The following ITGA9 variants were observed in gnomAD, a reference collection of about 807,000 sequenced individuals.
The protein encoded by ITGA9 is integrin alpha-9.
A neutral mutation model predicts 127.8 loss-of-function variants in ITGA9; 56 were observed. The ratio of observed to expected loss-of-function variants is 0.44; its 90% CI spans 0.35 to 0.55. ITGA9 has a LOEUF of 0.55. Ranked by LOEUF, ITGA9 falls within the 20% of genes least tolerant of loss-of-function variation. The pLI is 0.00. For missense variants in ITGA9, 1,196 were observed against 1,347.1 expected (o/e 0.89, Z 1.76); for synonymous variants, 508 against 514.5 (o/e 0.99, Z 0.17).
intron 21 of ITGA9, among the ~76,000 whole-genome samples, chr3:37,742,863 T>C (rs566975808): frequency 6.6e-5 from 10 of 152,314 alleles, no homozygotes; most frequent in Admixed American, 1.3e-4. Flanking sequence ...TGGAATATAT[T>C]TGCAAATTAG....
chr3:37,624,733 A>G (rs1476657260), intron 15 of ITGA9, among the ~76,000 whole-genome samples: 2 of 152,118 alleles, frequency 1.3e-5, no homozygotes, highest in East Asian at 3.9e-4. Context: ...CAGCCTCCTG[A>G]GTAGCTGGGA....
At chr3:37,462,835 GC>G (rs1445562864) in intron 1 of ITGA9, among the ~76,000 whole-genome samples, 1 of 152,204 alleles carries the variant, frequency 6.6e-6, no homozygotes, top group African/African-American at 2.4e-5. Context: ...TTCCTTTTGT[GC>G]CTCATCACTG....
At chr3:37,519,226 G>T in intron 10 of ITGA9, 34 bp from the exon 11 acceptor site, 1 of 1,536,868 alleles carries the variant, frequency 6.5e-7, no homozygotes, top group Non-Finnish European at 9.0e-7. Context: ...TATTAATGTG[G>T]CTTTTTAACC....
intron 18 of ITGA9, among the ~76,000 whole-genome samples, chr3:37,716,229 G>A (rs913295159): frequency 2.0e-5 from 3 of 152,138 alleles, no homozygotes; most frequent in Non-Finnish European, 4.4e-5. Context: ...GTGGCATCTG[G>A]GGGGTCAATG....
chr3:37,459,617 G>A (rs902594687), intron 1 of ITGA9, among the ~76,000 whole-genome samples: 12 of 152,206 alleles, frequency 7.9e-5, no homozygotes, highest in African/African-American at 2.9e-4. Context: ...GTAGCAGCTG[G>A]CTATCATTTT....
intron 17 of ITGA9, among the ~76,000 whole-genome samples, chr3:37,659,004 C>T (rs1487783914): frequency 6.6e-6 from 1 of 152,142 alleles, no homozygotes; most frequent in African/African-American, 2.4e-5. Flanking sequence ...GAATATTGGC[C>T]CCCACTCTCT....
chr3:37,526,167 T>G, intron 13 of ITGA9, 96 bp downstream of exon 13: 2 of 1,079,564 alleles, frequency 1.9e-6, no homozygotes, highest in East Asian at 4.7e-5. Flanking sequence ...TCCTGTTCCT[T>G]GTAGGCTGGA....
At chr3:37,612,186 C>T (rs140847061) in intron 15 of ITGA9, among the ~76,000 whole-genome samples, 450 of 152,276 alleles carry the variant, frequency 3.0e-3, no homozygotes, top group Non-Finnish European at 5.1e-3. Context: ...ACTAGTAAGA[C>T]AAAAGTTCTT....
intron 15 of ITGA9, among the ~76,000 whole-genome samples, chr3:37,606,334 G>A (rs76879034): frequency 0.045 from 6,795 of 152,274 alleles, 224 homozygotes; most frequent in Non-Finnish European, 0.069. Flanking sequence ...CTGCAATGGT[G>A]GAAACGTTCT....
At chr3:37,585,406 T>A (rs139326070) in intron 15 of ITGA9, among the ~76,000 whole-genome samples, 1 of 152,300 alleles carries the variant, frequency 6.6e-6, no homozygotes, top group Non-Finnish European at 1.5e-5. Context: ...TCCCTCCCTC[T>A]TTCCCCATAA....
At chr3:37,748,495 C>G (rs1265603154) in intron 22 of ITGA9, 2 of 532,372 alleles carry the variant, frequency 3.8e-6, no homozygotes, top group Non-Finnish European at 7.0e-6. Context: ...CGCCTGTAAT[C>G]CTAACACTTT....
At chr3:37,722,262 C>T (rs982812826) in intron 18 of ITGA9, among the ~76,000 whole-genome samples, 25 of 152,320 alleles carry the variant, frequency 1.6e-4, no homozygotes, top group Admixed American at 1.6e-3. Flanking sequence ...TGTTTGCCTC[C>T]TTCAGAATGC....
intron 23 of ITGA9, among the ~76,000 whole-genome samples, chr3:37,759,451 A>G (rs974600821): frequency 1.1e-4 from 16 of 152,234 alleles, no homozygotes; most frequent in African/African-American, 3.9e-4. Flanking sequence ...TGTTTAAAGA[A>G]CTAAAATCAG....
chr3:37,547,083 C>T (rs185570), intron 15 of ITGA9, among the ~76,000 whole-genome samples: 71,795 of 151,948 alleles, frequency 0.47, 17,498 homozygotes, highest in East Asian at 0.73. Context: ...TCATTCCCTA[C>T]TGTGAGGATC....
At chr3:37,470,928 G>A (rs1698423845) in intron 1 of ITGA9, 79 bp from the exon 2 acceptor site, 3 of 1,450,004 alleles carry the variant, frequency 2.1e-6, no homozygotes, top group Non-Finnish European at 2.9e-6. Flanking sequence ...GCCCACCCGT[G>A]GTTGGGTGAA....
chr3:37,455,574 A>G (rs56835590), intron 1 of ITGA9, among the ~76,000 whole-genome samples: 2,645 of 152,312 alleles, frequency 0.017, 85 homozygotes, highest in African/African-American at 0.06. Flanking sequence ...AGGAAGGTAA[A>G]ATATAGACAT....
chr3:37,471,193 C>T lies in ITGA9; in HGVS notation c.313+59C>T. 3.1e-6 allele frequency: 5 copies of T among 1,595,690 alleles called. No homozygotes were observed. The Admixed American group carries it at 6.7e-5, about 21-fold the overall frequency. ...TTCTGTACCCTTATACCTTGCTCTT[C>T]TTCTTCCCAGGATGGCCTGATCATT... On this transcript the variant is annotated intron_variant, in intron 2 of 27. Transcript: ENST00000264741.
intron 4 of ITGA9, among the ~76,000 whole-genome samples, chr3:37,484,302 A>G (rs1359698508): frequency 2.0e-5 from 3 of 152,150 alleles, no homozygotes; most frequent in African/African-American, 7.2e-5. Flanking sequence ...GGAGAGGGGT[A>G]GAAGATGCTG....
At chr3:37,634,366 C>T (rs1025420868) in intron 16 of ITGA9, among the ~76,000 whole-genome samples, 3 of 149,534 alleles carry the variant, frequency 2.0e-5, no homozygotes, top group Non-Finnish European at 4.4e-5. Flanking sequence ...TTATAAGAGA[C>T]TCACTTCACC....
Sources: gnomAD v4.1 joint callset for allele counts (sites outside exome capture counted in the v4.1 genomes callset) on GRCh38, gnomAD v4.1.1 for gene constraint, MANE v1.5 for transcripts, NCBI Gene and HGNC (gene_info 2026-07-23, HGNC 2026-07-21) for gene names.